GNB5: variants seen among roughly 807,000 people sequenced by gnomAD.
GNB5 encodes the protein G protein subunit beta 5.
In GNB5, 37 loss-of-function variants were observed where a neutral mutation model predicts 55.3. The ratio of observed to expected loss-of-function variants is 0.67; its 90% confidence interval spans 0.51 to 0.88. The LOEUF (loss-of-function observed/expected upper bound fraction) is 0.88, where lower values mean the gene tolerates loss of function less well. GNB5 is among the 40% of genes least tolerant of loss of function. GNB5 has a pLI of 0.00. For synonymous variants in GNB5, 219 were observed against 198.5 expected, an observed-to-expected ratio of 1.10 and a Z score of -0.87; for missense variants, 476 against 515.3, an observed-to-expected ratio of 0.92 and a Z score of 0.74.
At chr15:52,180,983 G>A (rs564772268) in intron 2 of GNB5, 6 of 152,234 alleles carry the variant, frequency 3.9e-5, no homozygotes, top group Non-Finnish European at 8.8e-5. Context: ...CTGGACTTTG[G>A]TGTGGATGAT....
chr15:52,155,127 G>A (rs1164248356), intron 3 of GNB5, among the ~76,000 whole-genome samples: 1 of 152,200 alleles, frequency 6.6e-6, no homozygotes, highest in Non-Finnish European at 1.5e-5. Context: ...AGAAGCCAGG[G>A]CTCTGAACTG....
Position 52,185,871 on chromosome 15 carries a change from T to C in GNB5, c.-18-1177A>G, listed in dbSNP as rs139861508. The stretch of plus-strand genomic sequence containing the variant: ...TTGGCTCACTGCAACCTCGTTCTCC[T>C]GGGTTTAAGCGATTTTCCTGCCTCA... On this transcript the variant is annotated intron_variant, in intron 1 of 12. Transcript: ENST00000261837. Among the ~76,000 whole-genome samples, 849 of 151,856 alleles carry C rather than the reference T, an allele frequency of 5.6e-3. 18 individuals carry two copies. The highest frequency in any genetic ancestry group is 0.026 in the Admixed American group (402 of 15,262).
At chr15:52,130,717 A>C (rs1030762641) in intron 9 of GNB5, among the ~76,000 whole-genome samples, 1 of 152,240 alleles carries the variant, frequency 6.6e-6, no homozygotes, top group Non-Finnish European at 1.5e-5. Context: ...CCTGGAAACC[A>C]GGGGGGCTTT....
In GNB5 at chr15:52,147,543, A is replaced by G; in HGVS notation, c.418-8T>C. The stretch of plus-strand genomic sequence containing the variant: ...CATGGTGACCGCGTGCTCCTGAAAC[A>G]CAGCACAGAGTGAACAACTAGCACT... On this transcript the variant is annotated splice_region_variant and splice_polypyrimidine_tract_variant and intron_variant, in intron 5 of 12. Coordinates refer to ENST00000261837, the MANE Select transcript of GNB5 (RefSeq NM_016194.4). 6.5e-7 allele frequency: 1 copy of G among 1,530,396 alleles called. No homozygotes were observed. Among genetic ancestry groups the G allele is most frequent in the East Asian group, 2.3e-5 (1 of 44,140 alleles). The allele number at this position is 1,530,396 out of a possible 1,614,324, so 94.8% of individuals were successfully genotyped here. A position where few individuals can be genotyped will look rare whatever the true frequency, so the allele number is the denominator to read the frequency against.
intron 11 of GNB5, 47 bp from the exon 12 acceptor site, chr15:52,124,686 C>A: frequency 6.5e-7 from 1 of 1,533,240 alleles, no homozygotes; most frequent in Non-Finnish European, 9.0e-7. Context: ...TCCTTGCTTC[C>A]TGTTTCTCAT....
intron 3 of GNB5, among the ~76,000 whole-genome samples, chr15:52,175,351 T>C (rs1177148880): frequency 1.3e-5 from 2 of 152,174 alleles, no homozygotes; most frequent in African/African-American, 4.8e-5. Context: ...AAACCATCCT[T>C]GGATTCCAAA....
rs200610106 is a variant in GNB5 at position 52,157,605 on chromosome 15, T to C, written c.239-3529A>G. ...GTTGTGAGCATATTGTATTTAGTAT[T>C]TTACTTAGAAATTTTACATCAATAT... On this transcript the variant is annotated intron_variant, in intron 3 of 12. Transcript: ENST00000261837. Among the ~76,000 whole-genome samples the C allele has an allele frequency of 4.6e-5, 7 of 152,228 alleles. No homozygotes were observed. The East Asian group carries it at 9.6e-4, about 21-fold the overall frequency.
At chr15:52,188,221 GTCC>G (rs1271010977) in intron 1 of GNB5, among the ~76,000 whole-genome samples, 2 of 152,062 alleles carry the variant, frequency 1.3e-5, no homozygotes, top group African/African-American at 4.8e-5. Context: ...CAATTTTTGA[GTCC>G]TATGGGCCTT....
At chr15:52,161,968 C>CA (rs1489055808) in intron 3 of GNB5, among the ~76,000 whole-genome samples, 5 of 152,176 alleles carry the variant, frequency 3.3e-5, no homozygotes, top group Non-Finnish European at 7.3e-5. Flanking sequence ...CAGATGAAGG[C>CA]AGAGCTGAGC....
intron 2 of GNB5, chr15:52,180,641 C>T (rs2141241027): frequency 1.3e-5 from 2 of 152,232 alleles, no homozygotes; most frequent in Middle Eastern, 6.8e-3. Context: ...GAGCCCACGC[C>T]CAGGCATCTC....
At chr15:52,147,579 A>T (rs2141208268) in intron 5 of GNB5, 44 bp from the exon 6 acceptor site, 1 of 1,117,210 alleles carries the variant, frequency 9.0e-7, no homozygotes, top group South Asian at 1.4e-5. Context: ...TCCACACAAA[A>T]ATCTTTTTTT....
Position 52,116,908 on chromosome 15 carries a change from CTTTG to C in GNB5, c.*5845_*5848del, listed in dbSNP as rs1243499562. ...CCTCCTCATTTTTTCCTTTAAAAAC[CTTTG>C]TTTTTCTTTTTTTTTTTCTTTGTTT... On this transcript the variant is annotated 3_prime_UTR_variant, in exon 13 of 13. Coordinates refer to ENST00000261837, the MANE Select transcript of GNB5 (RefSeq NM_016194.4). The C allele has an allele frequency of 1.5e-4, 22 of 144,178 alleles. No individual in the cohort carries two copies. The highest frequency in any genetic ancestry group is 3.5e-4 in the African/African-American group (12 of 34,574). 8.9% of individuals were successfully genotyped at this position (144,178 alleles called of 1,614,324 possible).
intron 4 of GNB5, among the ~76,000 whole-genome samples, chr15:52,152,635 CT>C (rs578194564): frequency 2.7e-3 from 371 of 138,532 alleles, no homozygotes; most frequent in Middle Eastern, 4.4e-3. Flanking sequence ...GAATATCTCT[CT>C]TTTTTTTTTT....
At position 52,117,102 on chromosome 15, in the gene GNB5, A is replaced by ATATATATATATATATATATATATAAT; in HGVS notation, c.*5654_*5655insATTATATATATATATATATATATATA. ...CCACGCCCAGCTAATATATATATATATTTTTTTTTAGTACAGACAGGGTTT... is the reference window on the plus strand; with the variant it reads ...CCACGCCCAGCTAATATATATATATATATATATATATATATATATATATAATTTTTTTTTTAGTACAGACAGGGTTT... On this transcript the variant is annotated 3_prime_UTR_variant, in exon 13 of 13. Transcript: ENST00000261837. 1 of 87,098 alleles carries ATATATATATATATATATATATATAAT rather than the reference A, an allele frequency of 1.1e-5. No homozygotes were observed. The highest frequency in any genetic ancestry group is 6.1e-5 in the African/African-American group (1 of 16,444). The allele number at this position is 87,098 out of a possible 1,614,324, so 5.4% of individuals were successfully genotyped here.
intron 3 of GNB5, among the ~76,000 whole-genome samples, chr15:52,157,343 T>A (rs1470178310): frequency 2.7e-5 from 4 of 150,578 alleles, no homozygotes; most frequent in African/African-American, 9.8e-5. Flanking sequence ...ACCTCCCGGG[T>A]TCAAGTGATT....
At chr15:52,146,142 A>G (rs2033971770) in intron 6 of GNB5, among the ~76,000 whole-genome samples, 1 of 151,908 alleles carries the variant, frequency 6.6e-6, no homozygotes, top group South Asian at 2.1e-4. Flanking sequence ...TATTTTTAGT[A>G]GAGACGGGGT....
rs186812260 is a variant in GNB5, at chr15:52,134,249, A to G, written c.772-780T>C. On this transcript the variant is annotated intron_variant, in intron 8 of 12. Transcript: ENST00000261837. Reference sequence around the variant, plus strand: ...AGTGGTCATGTTATCAAGCTTAAGTAGTAGAATGTGGACTCTCAATAGTCA... The same window carrying G: ...AGTGGTCATGTTATCAAGCTTAAGTGGTAGAATGTGGACTCTCAATAGTCA... Among the ~76,000 whole-genome samples the G allele has an allele frequency of 7.9e-5, 12 of 152,356 alleles. 1 individual carries two copies. Among genetic ancestry groups the G allele is most frequent in the Non-Finnish European group, 1.5e-4 (10 of 68,022 alleles).
In GNB5 at chr15:52,128,186, A is replaced by G. The variant is rs768333049; in HGVS notation, c.912+10T>C. ...GACTAGGAAAAGCTCTCAAAAACTT[A>G]GAAACATACCGTAGCGTCATCTGAC... is the stretch of plus-strand genomic sequence containing the variant. On this transcript the variant is annotated intron_variant, in intron 10 of 12. Transcript: ENST00000261837. 7 of 1,593,452 alleles carry G rather than the reference A, an allele frequency of 4.4e-6. No homozygotes were observed. In the South Asian group the frequency reaches 7.7e-5, roughly 18 times the overall value.
chr15:52,129,471 C>G (rs560373390), intron 9 of GNB5, among the ~76,000 whole-genome samples: 1 of 152,300 alleles, frequency 6.6e-6, no homozygotes, highest in Admixed American at 6.5e-5. Context: ...AGATGTTAAC[C>G]ATTTTCAGCT....
Sources: gnomAD v4.1 joint callset for allele counts (sites outside exome capture counted in the v4.1 genomes callset) on GRCh38, gnomAD v4.1.1 for gene constraint, MANE v1.5 for transcripts, NCBI Gene and HGNC (gene_info 2026-07-23, HGNC 2026-07-21) for gene names.